LIMCH1: variants seen among roughly 807,000 people sequenced by gnomAD.
LIMCH1 encodes the protein LIM and calponin homology domains-containing protein 1.
In LIMCH1, 113 loss-of-function variants were observed where a neutral mutation model predicts 176.5. The observed-to-expected ratio is 0.64, with a 90% CI of 0.55 to 0.75. LIMCH1 has a LOEUF of 0.75. Ranked by LOEUF, LIMCH1 falls within the 30% of genes least tolerant of loss-of-function variation. LIMCH1 has a pLI of 0.00. For missense variants in LIMCH1, 1,674 were observed against 1,814.9 expected, an observed-to-expected ratio of 0.92 and a Z score of 1.41; for synonymous variants, 619 against 645.9, an observed-to-expected ratio of 0.96 and a Z score of 0.63.
chr4:41,534,798 G>A (rs2077698687), upstream of LIMCH1, among the ~76,000 whole-genome samples: 1 of 152,024 alleles, frequency 6.6e-6, no homozygotes, highest in East Asian at 1.9e-4. Flanking sequence ...ACTGGGATAT[G>A]GAGAAAGGAG....
intron 1 of LIMCH1, chr4:41,361,004 A>AG: frequency 8.4e-7 from 1 of 1,196,030 alleles, no homozygotes; most frequent in Non-Finnish European, 1.2e-6. Flanking sequence ...GCACGCTCCG[A>AG]CCGCAGGTCC....
At position 41,646,175 on chromosome 4, in the gene LIMCH1, A is replaced by G; in HGVS notation, c.2306A>G (p.Lys769Arg). The G allele has an allele frequency of 6.2e-7, 1 of 1,614,150 alleles. No individual in the cohort carries two copies. Among genetic ancestry groups the G allele is most frequent in the East Asian group, 2.2e-5 (1 of 44,880 alleles). ...AGAAGTGTTTCTCAGGACTTAATCA[A>G]GAAAGAGGAAGAAAGGAAAAAAATG... ...RRRSVSQDLI[K>R]KEEERKKMEK... Residue 769 changes from lysine to arginine, a missense_variant, in exon 16 of 32, where the codon AAG (lysine) becomes AGG (arginine). Coordinates refer to ENST00000503057, the MANE Select transcript of LIMCH1 (RefSeq NM_001330672.2).
Position 41,619,329 on chromosome 4 carries a change from A to G in LIMCH1, c.347A>G (p.Asn116Ser), listed in dbSNP as rs763227791. 1 of 1,614,082 alleles carries G rather than the reference A, an allele frequency of 6.2e-7. No individual in the cohort carries two copies. Among genetic ancestry groups the G allele is most frequent in the Non-Finnish European group, 8.5e-7 (1 of 1,180,048 alleles). ...PFNQYLPNKS[N>S]QTAYVPAPLR... ...AACCAGTACCTCCCGAACAAAAGCA[A>G]TCAGACGGCCTACGTCCCCGCGCCT... The change falls in exon 6 of 32, where the codon AAT (asparagine) becomes AGT (serine). Residue 116 changes from asparagine (N) to serine (S), a missense_variant. Around this residue, in one of 3 missense-constraint regions of LIMCH1, gnomAD observed 655 missense variants for 692.2 expected, o/e 0.95. Coordinates refer to ENST00000503057, the MANE Select transcript of LIMCH1 (RefSeq NM_001330672.2).
At chr4:41,629,862 T>C in intron 9 of LIMCH1, 128 bp downstream of exon 9, 6 of 1,114,818 alleles carry the variant, frequency 5.4e-6, no homozygotes, top group Non-Finnish European at 4.9e-6. Context: ...GGCTGGAATA[T>C]AGTGGCTTGA....
Position 41,579,049 on chromosome 4 carries a change from A to ATTT in LIMCH1, c.-240-19858_-240-19856dup, listed in dbSNP as rs11285726. 7.0e-3 allele frequency among the ~76,000 whole-genome samples: 1,012 copies of ATTT among 144,956 alleles called. 6 individuals carry two copies. The highest frequency in any genetic ancestry group is 0.022 in the African/African-American group (862 of 40,050). On this transcript the variant is annotated intron_variant, in intron 1 of 31. Transcript: ENST00000503057. ...AAAACTAACAGAAGAAAAATGTGTG[A>ATTT]TTTTTTTTTTTTTTTAATGGGACCA...
chr4:41,378,389 A>G (rs1386810958), intron 1 of LIMCH1, among the ~76,000 whole-genome samples: 3 of 152,214 alleles, frequency 2.0e-5, no homozygotes, highest in African/African-American at 7.2e-5. Context: ...TGAAATGGTG[A>G]GGGTATTTTT....
At chr4:41,443,038 A>G (rs1157764124) in intron 1 of LIMCH1, among the ~76,000 whole-genome samples, 2 of 152,108 alleles carry the variant, frequency 1.3e-5, no homozygotes, top group Non-Finnish European at 2.9e-5. Flanking sequence ...AGGTCCTATC[A>G]TTTTTCATGT....
intron 1 of LIMCH1, among the ~76,000 whole-genome samples, chr4:41,447,019 A>T (rs1448630935): frequency 1.3e-5 from 2 of 152,224 alleles, no homozygotes; most frequent in African/African-American, 4.8e-5. Context: ...ACTTGAGCCC[A>T]GGAGTTTGAG....
chr4:41,398,109 A>T (rs1437184802), intron 1 of LIMCH1, among the ~76,000 whole-genome samples: 1 of 150,782 alleles, frequency 6.6e-6, no homozygotes, highest in Non-Finnish European at 1.5e-5. Flanking sequence ...ACTTTAAATT[A>T]AAAAAAAAGA....
At chr4:41,682,585 CATTACAT>C in intron 26 of LIMCH1, 125 bp downstream of exon 26, 1 of 807,262 alleles carries the variant, frequency 1.2e-6, no homozygotes, top group South Asian at 2.3e-5. Context: ...TCCAGTAATA[CATTACAT>C]ATTGTTTGGA....
intron 1 of LIMCH1, among the ~76,000 whole-genome samples, chr4:41,544,605 C>G (rs1038255278): frequency 6.6e-6 from 1 of 152,114 alleles, no homozygotes; most frequent in Non-Finnish European, 1.5e-5. Flanking sequence ...CCTAGTTATT[C>G]CATTCCATTC....
At chr4:41,671,819 A>T (rs2095044556) in intron 22 of LIMCH1, among the ~76,000 whole-genome samples, 1 of 137,534 alleles carries the variant, frequency 7.3e-6, no homozygotes, top group African/African-American at 2.7e-5. Context: ...AAAATTAGGC[A>T]GGTGTGGTGG....
intron 1 of LIMCH1, among the ~76,000 whole-genome samples, chr4:41,482,679 C>A (rs2068848162): frequency 6.6e-6 from 1 of 152,042 alleles, no homozygotes; most frequent in Non-Finnish European, 1.5e-5. Flanking sequence ...AGGGAGAAAC[C>A]AAGAATGAGA....
At chr4:41,668,810 G>A (rs1466212273) in intron 21 of LIMCH1, among the ~76,000 whole-genome samples, 1 of 152,178 alleles carries the variant, frequency 6.6e-6, no homozygotes. Flanking sequence ...TCACAGTCAT[G>A]GTGGAAGATG....
chr4:41,364,716 A>G (rs549989133), intron 1 of LIMCH1, among the ~76,000 whole-genome samples: 83 of 152,330 alleles, frequency 5.4e-4, no homozygotes, highest in African/African-American at 1.8e-3. Context: ...AGAATGCTCA[A>G]TGCCTCTCCT....
chr4:41,370,582 C>T (rs2053809044), intron 1 of LIMCH1, among the ~76,000 whole-genome samples: 1 of 152,078 alleles, frequency 6.6e-6, no homozygotes, highest in African/African-American at 2.4e-5. Context: ...AGGTTGCCAC[C>T]TTTTTCCCTA....
intron 1 of LIMCH1, among the ~76,000 whole-genome samples, chr4:41,575,384 C>G (rs1250850798): frequency 2.0e-5 from 3 of 152,122 alleles, no homozygotes; most frequent in African/African-American, 7.2e-5. Flanking sequence ...TTTCACAAAC[C>G]CATTACAAGT....
intron 2 of LIMCH1, among the ~76,000 whole-genome samples, chr4:41,494,973 A>G (rs2071824207): frequency 6.6e-6 from 1 of 151,972 alleles, no homozygotes; most frequent in African/African-American, 2.4e-5. Context: ...GCTTGTGCCA[A>G]AATAAAACAG....
intron 4 of LIMCH1, among the ~76,000 whole-genome samples, chr4:41,607,754 T>C (rs1343952260): frequency 6.6e-6 from 1 of 152,218 alleles, no homozygotes. Flanking sequence ...AAATGACCTG[T>C]TGTTAACAGC....
Sources: allele counts gnomAD v4.1 joint callset (sites outside exome capture counted in the v4.1 genomes callset), GRCh38; gene constraint gnomAD v4.1.1; regional missense constraint gnomAD v4.1.1; transcripts MANE v1.5; gene names NCBI Gene and HGNC (gene_info 2026-07-23, HGNC 2026-07-21).